Variants in LRP1B observed in about 807,000 individuals in gnomAD.
LRP1B encodes low-density lipoprotein receptor-related protein 1B.
LRP1B carries 217 observed loss-of-function variants against 556.6 expected under a neutral mutation model. The observed-to-expected ratio is 0.39, with a 90% CI of 0.35 to 0.44. The LOEUF (loss-of-function observed/expected upper bound fraction) is 0.44, where lower values mean the gene tolerates loss of function less well. Among genes scored for constraint, LRP1B ranks in the 20% least tolerant of loss-of-function variants. The probability of loss-of-function intolerance (pLI) is 1.00; values close to 1 mark genes in which losing one functional copy is unlikely to be tolerated. For missense variants in LRP1B, 5,053 were observed against 5,620.8 expected (o/e 0.90, Z 3.23); for synonymous variants, 2,047 against 1,865.8 (o/e 1.10, Z -2.50).
intron 2 of LRP1B, among the ~76,000 whole-genome samples, chr2:141,614,200 TC>T (rs1304738084): frequency 6.7e-6 from 1 of 149,514 alleles, no homozygotes; most frequent in Admixed American, 6.7e-5. Context: ...ATAAAACAAA[TC>T]TACTGATTAT....
chr2:140,743,815 C>G (rs1463126040), intron 35 of LRP1B, among the ~76,000 whole-genome samples: 1 of 151,142 alleles, frequency 6.6e-6, no homozygotes, highest in Non-Finnish European at 1.5e-5. Flanking sequence ...AAAAAATTAG[C>G]CGGGCGTGGT....
intron 83 of LRP1B, among the ~76,000 whole-genome samples, chr2:140,298,862 G>A (rs1230924903): frequency 1.3e-5 from 2 of 151,988 alleles, no homozygotes; most frequent in Non-Finnish European, 2.9e-5. Context: ...AAGAGAAGGA[G>A]AAAGAAAACA....
At chr2:141,501,001 T>C (rs1228763794) in intron 2 of LRP1B, among the ~76,000 whole-genome samples, 3 of 152,132 alleles carry the variant, frequency 2.0e-5, no homozygotes, top group East Asian at 1.9e-4. Context: ...GATATACTTA[T>C]GTAAAACAAT....
At chr2:141,962,913 C>A (rs1397825333) in intron 1 of LRP1B, among the ~76,000 whole-genome samples, 1 of 151,750 alleles carries the variant, frequency 6.6e-6, no homozygotes, top group Non-Finnish European at 1.5e-5. Flanking sequence ...ATGCATTTTT[C>A]ATACTCTTTT....
intron 1 of LRP1B, among the ~76,000 whole-genome samples, chr2:141,930,694 A>G (rs888822361): frequency 6.6e-6 from 1 of 152,030 alleles, no homozygotes; most frequent in Non-Finnish European, 1.5e-5. Flanking sequence ...GCTACACTTT[A>G]GGAAAGGTAT....
chr2:141,659,700 A>G (rs559148013), intron 2 of LRP1B, among the ~76,000 whole-genome samples: 1 of 152,222 alleles, frequency 6.6e-6, no homozygotes, highest in East Asian at 1.9e-4. Context: ...TGAGGCATAT[A>G]TTTGAGAGTC....
At chr2:141,953,190 G>A (rs1701158511) in intron 1 of LRP1B, among the ~76,000 whole-genome samples, 1 of 151,978 alleles carries the variant, frequency 6.6e-6, no homozygotes, top group African/African-American at 2.4e-5. Context: ...TTGAATGAGA[G>A]TCAGATTTTG....
At chr2:140,333,295 T>C (rs1443922416) in intron 79 of LRP1B, among the ~76,000 whole-genome samples, 3 of 152,084 alleles carry the variant, frequency 2.0e-5, no homozygotes, top group African/African-American at 7.2e-5. Flanking sequence ...CATCTCTTAC[T>C]TTGCTTTTCT....
At chr2:141,602,983 C>T (rs752985893) in intron 2 of LRP1B, among the ~76,000 whole-genome samples, 1 of 152,084 alleles carries the variant, frequency 6.6e-6, no homozygotes, top group Non-Finnish European at 1.5e-5. Flanking sequence ...TTTTAAAATG[C>T]ATTGTTAAAT....
intron 66 of LRP1B, among the ~76,000 whole-genome samples, chr2:140,440,743 A>ATGTGTGTATGTGTGTGTGTGTGTG (rs1686389105): frequency 6.6e-6 from 1 of 150,498 alleles, no homozygotes; most frequent in African/African-American, 2.4e-5. Flanking sequence ...CTCTGTATGT[A>ATGTGTGTATGTGTGTGTGTGTGTG]TGTGTGTGTG....
At chr2:141,211,767 T>C (rs1386380241) in intron 6 of LRP1B, among the ~76,000 whole-genome samples, 1 of 152,208 alleles carries the variant, frequency 6.6e-6, no homozygotes, top group Non-Finnish European at 1.5e-5. Context: ...CCTTCAACAT[T>C]AAGCATATGG....
At chr2:140,381,861 CAAAAAAA>C (rs56723132) in intron 67 of LRP1B, among the ~76,000 whole-genome samples, 161 of 64,202 alleles carry the variant, frequency 2.5e-3, no homozygotes, top group Middle Eastern at 9.4e-3. Context: ...GGCTCCCTTT[CAAAAAAA>C]AAAAAAAAAA....
intron 41 of LRP1B, among the ~76,000 whole-genome samples, chr2:140,691,488 CAAAA>C (rs35775292): frequency 1.1e-5 from 1 of 92,726 alleles, no homozygotes. Context: ...AACTCCACCT[CAAAA>C]AAAAAAAAAA....
rs80048171 is a variant in LRP1B, at chr2:140,400,660, G to A, written c.10415-14651C>T. 8.5e-5 allele frequency among the ~76,000 whole-genome samples: 13 copies of A among 152,274 alleles called. No homozygotes were observed. The East Asian group carries it at 2.5e-3, about 30-fold the overall frequency. ...CTTCCACTTGGAAGGAGAGAATAAC[G>A]TGTAGAGATTCACAGTGAGAACTTT... On this transcript the variant is annotated intron_variant, in intron 66 of 90. Transcript: ENST00000389484.
intron 15 of LRP1B, among the ~76,000 whole-genome samples, chr2:140,996,770 G>T (rs936373273): frequency 2.6e-5 from 4 of 151,844 alleles, no homozygotes; most frequent in African/African-American, 9.7e-5. Context: ...AAGACAAAAA[G>T]ATAAAAGACA....
rs3061360 is a variant in LRP1B at position 140,563,172 on chromosome 2, TCA to T, written c.7195-21203_7195-21202del. ...ATGATAAGCTAAATGCTCTATTATT[TCA>T]CACACACACACACACCCACACACAC... is the stretch of plus-strand genomic sequence containing the variant. On this transcript the variant is annotated intron_variant, in intron 43 of 90. Transcript: ENST00000389484. Among the ~76,000 whole-genome samples, 323 of 150,302 alleles carry T rather than the reference TCA, an allele frequency of 2.1e-3. 3 individuals carry two copies. The highest frequency in any genetic ancestry group is 3.9e-3 in the Admixed American group (58 of 15,046).
At chr2:140,637,748 T>C (rs1446670420) in intron 41 of LRP1B, among the ~76,000 whole-genome samples, 1 of 152,196 alleles carries the variant, frequency 6.6e-6, no homozygotes, top group African/African-American at 2.4e-5. Context: ...ATAGCTGCTT[T>C]TGAATGGCTC....
intron 41 of LRP1B, among the ~76,000 whole-genome samples, chr2:140,645,297 G>A (rs527361231): frequency 6.6e-6 from 1 of 151,942 alleles, no homozygotes; most frequent in East Asian, 1.9e-4. Context: ...TATTATATAT[G>A]AATATGTAAG....
At chr2:141,918,958 A>C (rs1700109375) in intron 1 of LRP1B, among the ~76,000 whole-genome samples, 1 of 152,134 alleles carries the variant, frequency 6.6e-6, no homozygotes, top group African/African-American at 2.4e-5. Flanking sequence ...AATCCAAGCC[A>C]GGTATAATCA....
Sources: allele counts gnomAD v4.1 joint callset (sites outside exome capture counted in the v4.1 genomes callset), GRCh38; gene constraint gnomAD v4.1.1; transcripts MANE v1.5; gene names NCBI Gene and HGNC (gene_info 2026-07-23, HGNC 2026-07-21).